The following DNAH14 variants were observed in gnomAD, a reference collection of about 807,000 sequenced individuals.
The protein encoded by DNAH14 is dynein axonemal heavy chain 14, also known as axonemal beta dynein heavy chain 14.
DNAH14 carries 478 observed loss-of-function variants against 520.9 expected under a neutral mutation model. The ratio of observed to expected loss-of-function variants is 0.92; its 90% CI spans 0.85 to 0.99. The LOEUF (loss-of-function observed/expected upper bound fraction) is 0.99, where lower values mean the gene tolerates loss of function less well. Ranked by LOEUF, DNAH14 falls within the 50% of genes least tolerant of loss-of-function variation. The pLI, the probability that DNAH14 is intolerant of heterozygous loss-of-function variation, is 0.00. For synonymous variants in DNAH14, 1,581 were observed against 1,757.2 expected (o/e 0.90, Z 2.51); for missense variants, 4,831 against 5,234.5 (o/e 0.92, Z 2.38).
rs542745312 is a variant in DNAH14, at chr1:224,980,301, A to G, written c.830+6148A>G. Among the ~76,000 whole-genome samples, 8 of 152,184 alleles carry G rather than the reference A, an allele frequency of 5.3e-5. No homozygotes were observed. In the South Asian group the frequency reaches 1.7e-3, roughly 32 times the overall value. On this transcript the variant is annotated intron_variant, in intron 8 of 85. Transcript: ENST00000682510. Reference sequence around the variant, plus strand: ...TCCCAAACCTGGCAACGTTCACCACAAGCTGACTGAAAAGCCCTTGGTGAA... The same window carrying G: ...TCCCAAACCTGGCAACGTTCACCACGAGCTGACTGAAAAGCCCTTGGTGAA...
chr1:225,099,961 G>A (rs1389829292), intron 22 of DNAH14, among the ~76,000 whole-genome samples: 1 of 152,106 alleles, frequency 6.6e-6, no homozygotes, highest in African/African-American at 2.4e-5. Flanking sequence ...AGGCTAGGGT[G>A]GGAGAGGGGT....
At chr1:225,024,954 T>C (rs1435999717) in intron 11 of DNAH14, among the ~76,000 whole-genome samples, 14 of 152,184 alleles carry the variant, frequency 9.2e-5, no homozygotes, top group Admixed American at 9.2e-4. Context: ...TTTTCCTAAA[T>C]GTTTTTCCAT....
chr1:225,320,535 A>T (rs2094539367), intron 61 of DNAH14, among the ~76,000 whole-genome samples: 1 of 152,218 alleles, frequency 6.6e-6, no homozygotes, highest in South Asian at 2.1e-4. Flanking sequence ...TGCCACACAA[A>T]TGAGGATGCC....
intron 37 of DNAH14, among the ~76,000 whole-genome samples, chr1:225,188,303 T>G (rs1234795740): frequency 3.3e-5 from 5 of 151,884 alleles, no homozygotes; most frequent in Non-Finnish European, 5.9e-5. Context: ...GTTCATCTCT[T>G]TATATTGGCA....
At chr1:225,079,669 A>ATTTT in intron 18 of DNAH14, 121 bp downstream of exon 18, 5 of 353,644 alleles carry the variant, frequency 1.4e-5, no homozygotes, top group South Asian at 6.0e-5. Context: ...TAATACAAGT[A>ATTTT]TTCTTTTTTT....
intron 36 of DNAH14, among the ~76,000 whole-genome samples, chr1:225,170,469 C>T (rs1023631742): frequency 2.6e-5 from 4 of 152,126 alleles, no homozygotes; most frequent in Admixed American, 6.6e-5. Flanking sequence ...GGTTGGAATC[C>T]TAGTCTCTGA....
At chr1:225,130,673 G>A (rs2078305795) in intron 27 of DNAH14, among the ~76,000 whole-genome samples, 1 of 100,196 alleles carries the variant, frequency 1.0e-5, no homozygotes, top group Non-Finnish European at 1.8e-5. Flanking sequence ...ACTGTTGTGG[G>A]GTGGGGGGAG....
Position 224,950,087 on chromosome 1 carries a change from A to AT in DNAH14, c.-33-2574dup, listed in dbSNP as rs57850815. 5.3e-5 allele frequency among the ~76,000 whole-genome samples: 8 copies of AT among 151,282 alleles called. 1 individual carries two copies. In the South Asian group the frequency reaches 1.0e-3, roughly 20 times the overall value. ...TCTACCTCCCTTTCCTCCCATCTTG[A>AT]TTTTTTTTTAGTACTTGCACTATTA... On this transcript the variant is annotated intron_variant, in intron 1 of 85. Coordinates refer to ENST00000682510, the MANE Select transcript of DNAH14 (RefSeq NM_001367479.1).
chr1:225,135,812 A>G (rs553468837), intron 27 of DNAH14, among the ~76,000 whole-genome samples: 48 of 152,202 alleles, frequency 3.2e-4, no homozygotes, highest in African/African-American at 9.9e-4. Context: ...GTAGGTCTCT[A>G]AGAACTTGCT....
chr1:225,353,731 C>A, intron 72 of DNAH14, 72 bp from the exon 73 acceptor site: 1 of 797,910 alleles, frequency 1.3e-6, no homozygotes, highest in Non-Finnish European at 2.0e-6. Flanking sequence ...CAGAAATTTT[C>A]ATTGTGATAT....
At position 225,105,788 on chromosome 1, in the gene DNAH14, G is replaced by A. The variant is rs535718143; in HGVS notation, c.3867+4904G>A. On this transcript the variant is annotated intron_variant, in intron 23 of 85. Coordinates refer to ENST00000682510, the MANE Select transcript of DNAH14 (RefSeq NM_001367479.1). ...TTTGAGCCTATGTGTGTCTCTGCAC[G>A]TGAGATGGGTTTCCTGAATACAGCA... 5.7e-4 allele frequency among the ~76,000 whole-genome samples: 87 copies of A among 152,072 alleles called. No homozygotes were observed. In the East Asian group the frequency reaches 0.011, roughly 19 times the overall value.
At chr1:225,391,714 G>A (rs1169916679) in intron 83 of DNAH14, among the ~76,000 whole-genome samples, 1 of 152,140 alleles carries the variant, frequency 6.6e-6, no homozygotes, top group Non-Finnish European at 1.5e-5. Flanking sequence ...ACGGAGCACA[G>A]GGAGAGGAGC....
At chr1:225,265,016 A>G (rs1049994808) in intron 47 of DNAH14, among the ~76,000 whole-genome samples, 166 bp from the exon 48 acceptor site, 5 of 152,214 alleles carry the variant, frequency 3.3e-5, no homozygotes, top group Non-Finnish European at 1.5e-5. Flanking sequence ...TGTTTACCAT[A>G]AAATAGCAAA....
At chr1:225,295,069 A>G (rs1167506682) in intron 55 of DNAH14, among the ~76,000 whole-genome samples, 1 of 152,126 alleles carries the variant, frequency 6.6e-6, no homozygotes, top group Non-Finnish European at 1.5e-5. Flanking sequence ...AATAGTCTCT[A>G]GTAATCCTGG....
Position 225,289,232 on chromosome 1 carries a change from C to A in DNAH14, c.8272-653C>A, listed in dbSNP as rs189259769. ...TATATAATTTCATTTATATGAAATG[C>A]CAAAAATAGGCAAATCAATAGAGAT... On this transcript the variant is annotated intron_variant, in intron 54 of 85. Coordinates refer to ENST00000682510, the MANE Select transcript of DNAH14 (RefSeq NM_001367479.1). Among the ~76,000 whole-genome samples the A allele has an allele frequency of 1.1e-3, 171 of 152,000 alleles. 1 individual carries two copies. The highest frequency in any genetic ancestry group is 3.9e-3 in the African/African-American group (163 of 41,478).
rs532013354 is a variant in DNAH14, at chr1:225,335,919, A to G, written c.10081-1347A>G. ...CATACATATATGCATGTATGTATATATGCACATATACCTATATATACATAT... is the reference window on the plus strand; with the variant it reads ...CATACATATATGCATGTATGTATATGTGCACATATACCTATATATACATAT... On this transcript the variant is annotated intron_variant, in intron 66 of 85. Coordinates refer to ENST00000682510, the MANE Select transcript of DNAH14 (RefSeq NM_001367479.1). Among the ~76,000 whole-genome samples, 21 of 145,252 alleles carry G rather than the reference A, an allele frequency of 1.4e-4. No homozygotes were observed. The East Asian group carries it at 4.1e-3, about 28-fold the overall frequency.
chr1:225,094,685 AACAAACAAAC>A (rs1238389369), intron 21 of DNAH14, among the ~76,000 whole-genome samples: 2,843 of 112,904 alleles, frequency 0.025, 78 homozygotes, highest in Non-Finnish European at 0.035. Context: ...AAAACAACAA[AACAAACAAAC>A]AAAAAAACGC....
intron 36 of DNAH14, among the ~76,000 whole-genome samples, chr1:225,171,213 G>A (rs149924448): frequency 0.021 from 3,227 of 152,204 alleles, 88 homozygotes; most frequent in African/African-American, 0.062. Context: ...AAAAGAACTA[G>A]AGAAGCAAGA....
intron 55 of DNAH14, among the ~76,000 whole-genome samples, chr1:225,291,384 T>C (rs1436163350): frequency 2.6e-5 from 4 of 151,958 alleles, no homozygotes; most frequent in Non-Finnish European, 5.9e-5. Flanking sequence ...TGCCCAGAAG[T>C]GGGATTGCTG....
Sources: gnomAD v4.1 joint callset for allele counts (sites outside exome capture counted in the v4.1 genomes callset) on GRCh38, gnomAD v4.1.1 for gene constraint, MANE v1.5 for transcripts, NCBI Gene and HGNC (gene_info 2026-07-23, HGNC 2026-07-21) for gene names.